Variants in MICU1 observed in about 807,000 individuals in gnomAD.
MICU1 encodes the protein calcium uptake protein 1, mitochondrial.
Under a neutral mutation model 56.8 loss-of-function variants are expected in MICU1, and 45 were observed. The ratio of observed to expected loss-of-function variants is 0.79; its 90% CI spans 0.62 to 1.02. The LOEUF (loss-of-function observed/expected upper bound fraction) is 1.02, where lower values mean the gene tolerates loss of function less well. Ranked by LOEUF, MICU1 falls within the 50% of genes least tolerant of loss-of-function variation. MICU1 has a pLI of 0.00. For missense variants in MICU1, 504 were observed against 587.1 expected (o/e 0.86, Z 1.46); for synonymous variants, 186 against 195.1 (o/e 0.95, Z 0.39).
intron 1 of MICU1, among the ~76,000 whole-genome samples, chr10:72,586,508 C>T (rs1239298228): frequency 1.9e-4 from 29 of 151,946 alleles, no homozygotes; most frequent in Admixed American, 1.8e-3. Flanking sequence ...AAAATTTAGC[C>T]GGGCATGGTG....
intron 10 of MICU1, among the ~76,000 whole-genome samples, chr10:72,376,116 C>T (rs188567976): frequency 6.6e-6 from 1 of 151,984 alleles, no homozygotes; most frequent in East Asian, 1.9e-4. Context: ...GATGGTGAAA[C>T]CCTGTCTCTA....
intron 10 of MICU1, among the ~76,000 whole-genome samples, chr10:72,403,657 G>GTA (rs1863533337): frequency 6.6e-6 from 1 of 151,184 alleles, no homozygotes; most frequent in Non-Finnish European, 1.5e-5. Flanking sequence ...GTGTGTGTGT[G>GTA]TGTGTGTGTG....
At chr10:72,455,275 G>C (rs1001178878) in intron 8 of MICU1, among the ~76,000 whole-genome samples, 1 of 150,206 alleles carries the variant, frequency 6.7e-6, no homozygotes, top group African/African-American at 2.5e-5. Flanking sequence ...GCTTGAACCC[G>C]GGAGGTGGAG....
At chr10:72,560,079 T>C (rs756387122) in intron 3 of MICU1, among the ~76,000 whole-genome samples, 1 of 152,044 alleles carries the variant, frequency 6.6e-6, no homozygotes, top group Non-Finnish European at 1.5e-5. Context: ...GGACTGCTGA[T>C]GTAGACATCA....
intron 10 of MICU1, among the ~76,000 whole-genome samples, chr10:72,391,542 A>C (rs975581210): frequency 5.3e-5 from 8 of 152,190 alleles, no homozygotes; most frequent in African/African-American, 1.9e-4. Context: ...CATAACAACT[A>C]TTTACTTAGC....
chr10:72,436,786 T>C (rs1448105224), intron 8 of MICU1, among the ~76,000 whole-genome samples: 1 of 152,044 alleles, frequency 6.6e-6, no homozygotes, highest in African/African-American at 2.4e-5. Flanking sequence ...CAGCAGCCGA[T>C]TCGATCAAGT....
chr10:72,472,121 C>T (rs1215139385), intron 8 of MICU1, among the ~76,000 whole-genome samples: 2 of 152,106 alleles, frequency 1.3e-5, no homozygotes, highest in Admixed American at 6.6e-5. Context: ...ATTGGACATA[C>T]ATTTTCTTCA....
chr10:72,509,490 T>C (rs1867371025), intron 5 of MICU1: 12 of 1,052,802 alleles, frequency 1.1e-5, no homozygotes, highest in Non-Finnish European at 1.4e-5. Flanking sequence ...CATCGTGAAG[T>C]CAGTTTGTAT....
chr10:72,520,041 A>T (rs1393972425), intron 5 of MICU1, among the ~76,000 whole-genome samples: 2 of 152,194 alleles, frequency 1.3e-5, no homozygotes, highest in East Asian at 1.9e-4. Context: ...TTCAAAGTCT[A>T]TCTAAATCCC....
intron 1 of MICU1, among the ~76,000 whole-genome samples, chr10:72,611,915 A>T (rs191708541): frequency 2.5e-4 from 37 of 150,084 alleles, no homozygotes; most frequent in African/African-American, 9.1e-4. Context: ...TGAGGCCAAG[A>T]GTTTGAAGCT....
intron 8 of MICU1, among the ~76,000 whole-genome samples, chr10:72,425,639 C>T (rs1441116008): frequency 1.3e-5 from 2 of 152,198 alleles, no homozygotes; most frequent in Non-Finnish European, 1.5e-5. Context: ...GCCACTTCGA[C>T]GCTTACTACT....
chr10:72,502,168 T>G (rs1276059077), intron 6 of MICU1, among the ~76,000 whole-genome samples: 1 of 121,032 alleles, frequency 8.3e-6, no homozygotes, highest in Non-Finnish European at 2.0e-5. Flanking sequence ...GTTTTTTTTT[T>G]TTTTTTGAGT....
At chr10:72,492,049 G>A (rs889651402) in intron 6 of MICU1, among the ~76,000 whole-genome samples, 10 of 152,034 alleles carry the variant, frequency 6.6e-5, no homozygotes, top group African/African-American at 2.4e-4. Context: ...TTTTCACTGT[G>A]CTTAAGTGAA....
chr10:72,506,673 A>G (rs1011233646), intron 6 of MICU1, among the ~76,000 whole-genome samples: 4 of 152,220 alleles, frequency 2.6e-5, no homozygotes, highest in Admixed American at 1.3e-4. Context: ...TCATGATGTC[A>G]TCATTCTCAA....
At chr10:72,398,637 A>T (rs1419104745) in intron 10 of MICU1, among the ~76,000 whole-genome samples, 4 of 152,188 alleles carry the variant, frequency 2.6e-5, no homozygotes, top group African/African-American at 9.6e-5. Flanking sequence ...AGAAATACAA[A>T]CTACCATCAG....
At chr10:72,402,826 T>C (rs1261582703) in intron 10 of MICU1, among the ~76,000 whole-genome samples, 2 of 152,042 alleles carry the variant, frequency 1.3e-5, no homozygotes, top group Admixed American at 1.3e-4. Flanking sequence ...GACAGGCAGA[T>C]TGCTTGAGCC....
intron 6 of MICU1, among the ~76,000 whole-genome samples, chr10:72,480,362 G>A (rs1866254425): frequency 6.6e-6 from 1 of 152,226 alleles, no homozygotes. Context: ...CTAAATTTAA[G>A]GGGTCTCAGC....
chr10:72,502,205 A>C (rs10823931), intron 6 of MICU1, among the ~76,000 whole-genome samples: 69,954 of 141,964 alleles, frequency 0.49, 20,220 homozygotes, highest in Non-Finnish European at 0.67. Flanking sequence ...TCCAGGCTGG[A>C]GTGCAGTGGC....
chr10:72,378,891 G>C (rs1862611954), intron 10 of MICU1, among the ~76,000 whole-genome samples: 1 of 152,190 alleles, frequency 6.6e-6, no homozygotes, highest in Non-Finnish European at 1.5e-5. Context: ...GTGTCATCTA[G>C]AATCTGAGGG....
Sources: allele counts gnomAD v4.1 joint callset (sites outside exome capture counted in the v4.1 genomes callset), GRCh38; gene constraint gnomAD v4.1.1; transcripts MANE v1.5; gene names NCBI Gene and HGNC (gene_info 2026-07-23, HGNC 2026-07-21).